The following GABRB3 variants were observed in gnomAD, a reference collection of about 807,000 sequenced individuals.
GABRB3 encodes gamma-aminobutyric acid receptor subunit beta-3.
A neutral mutation model predicts 52.1 loss-of-function variants in GABRB3; 14 were observed. That is an observed-to-expected ratio of 0.27 (90% CI 0.18 to 0.42). GABRB3 has a LOEUF of 0.42. GABRB3 is among the 10% of genes least tolerant of loss of function. The pLI, the probability that GABRB3 is intolerant of heterozygous loss-of-function variation, is 1.00. For synonymous variants in GABRB3, 260 were observed against 232.3 expected (o/e 1.12, Z -1.08); for missense variants, 307 against 609.1 (o/e 0.50, Z 5.22).
At chr15:26,570,612 G>C (rs1890359069) in intron 6 of GABRB3, among the ~76,000 whole-genome samples, 1 of 152,150 alleles carries the variant, frequency 6.6e-6, no homozygotes, top group Non-Finnish European at 1.5e-5. Context: ...TCTGCATTAA[G>C]TATAACATTT....
In GABRB3 at chr15:26,681,842, C is replaced by A. The variant is rs115886266; in HGVS notation, c.241-60308G>T. On this transcript the variant is annotated intron_variant, in intron 3 of 8. Transcript: ENST00000311550. ...GAAAAATTAGCCAGGCATGGTGGCACGTGCCTCTAGTCCCAGCTATCTGGG... is the reference window on the plus strand; with the variant it reads ...GAAAAATTAGCCAGGCATGGTGGCAAGTGCCTCTAGTCCCAGCTATCTGGG... Among the ~76,000 whole-genome samples, 905 of 152,140 alleles carry A rather than the reference C, an allele frequency of 5.9e-3. 16 individuals are homozygous for A. Among genetic ancestry groups the A allele is most frequent in the African/African-American group, 0.021 (883 of 41,506 alleles).
intron 3 of GABRB3, among the ~76,000 whole-genome samples, chr15:26,682,751 T>C (rs1669392738): frequency 6.6e-6 from 1 of 152,202 alleles, no homozygotes; most frequent in African/African-American, 2.4e-5. Flanking sequence ...GACAATGAGG[T>C]GGGAGGACTT....
chr15:26,738,087 C>T (rs572204658), intron 3 of GABRB3, among the ~76,000 whole-genome samples: 6 of 151,912 alleles, frequency 3.9e-5, no homozygotes, highest in African/African-American at 1.2e-4. Flanking sequence ...TGTTCTTCTT[C>T]GTGTTGTTGT....
intron 4 of GABRB3, among the ~76,000 whole-genome samples, chr15:26,587,549 T>C (rs1185164911): frequency 1.3e-5 from 2 of 151,832 alleles, no homozygotes; most frequent in Non-Finnish European, 2.9e-5. Flanking sequence ...GCTGGGAGAG[T>C]GGGCCTTTTG....
chr15:26,674,400 C>CAAAAAAAA (rs55723767), intron 3 of GABRB3, among the ~76,000 whole-genome samples: 5 of 86,780 alleles, frequency 5.8e-5, no homozygotes, highest in African/African-American at 9.5e-5. Context: ...GACTCAGTTT[C>CAAAAAAAA]AAAAAAAAAA....
intron 3 of GABRB3, among the ~76,000 whole-genome samples, chr15:26,731,629 C>T (rs1889917797): frequency 6.6e-6 from 1 of 152,096 alleles, no homozygotes; most frequent in African/African-American, 2.4e-5. Context: ...AATGGCCTTC[C>T]CTCCCTGCCA....
At chr15:26,591,681 A>G (rs1375601335) in intron 4 of GABRB3, among the ~76,000 whole-genome samples, 1 of 152,176 alleles carries the variant, frequency 6.6e-6, no homozygotes, top group Non-Finnish European at 1.5e-5. Context: ...AAGAGAGAAA[A>G]CAGCTTGAAA....
rs1345660942 is a variant in GABRB3, at chr15:26,547,121, A to G, written c.*672T>C. ...TCAAAAGACGGTCGTTCAGACATCA[A>G]CGTGGGATCTATCTATGTTTCAGAC... On this transcript the variant is annotated 3_prime_UTR_variant, in exon 9 of 9. Transcript: ENST00000311550. The G allele has an allele frequency of 6.1e-6, 1 of 164,534 alleles. No homozygotes were observed. Among genetic ancestry groups the G allele is most frequent in the African/African-American group, 2.4e-5 (1 of 41,998 alleles). The allele number at this position is 164,534 out of a possible 1,614,324, so 10.2% of individuals were successfully genotyped here.
intron 3 of GABRB3, among the ~76,000 whole-genome samples, chr15:26,708,039 A>T (rs1889161947): frequency 6.6e-6 from 1 of 152,168 alleles, no homozygotes; most frequent in African/African-American, 2.4e-5. Context: ...GCACAGAAAA[A>T]ATTTCAGATT....
intron 3 of GABRB3, among the ~76,000 whole-genome samples, chr15:26,653,755 G>A (rs749642237): frequency 2.0e-5 from 3 of 152,160 alleles, no homozygotes; most frequent in African/African-American, 7.2e-5. Context: ...CATAATTTTT[G>A]CAAAGGCAGT....
At chr15:26,747,048 A>G (rs1308085103) in intron 3 of GABRB3, among the ~76,000 whole-genome samples, 3 of 152,338 alleles carry the variant, frequency 2.0e-5, no homozygotes, top group South Asian at 4.1e-4. Flanking sequence ...GTGTGGGTCT[A>G]TTTCTGAATT....
intron 4 of GABRB3, among the ~76,000 whole-genome samples, chr15:26,596,801 G>A (rs936816954): frequency 3.9e-5 from 6 of 152,154 alleles, no homozygotes; most frequent in African/African-American, 1.2e-4. Context: ...TTCATTTTCT[G>A]TTGCTTGTAA....
chr15:26,624,329 A>G (rs1185741617), intron 3 of GABRB3: 1 of 985,322 alleles, frequency 1.0e-6, no homozygotes, highest in Non-Finnish European at 1.2e-6. Flanking sequence ...TCCATGTTAC[A>G]CTCGTATTGA....
intron 3 of GABRB3, chr15:26,642,530 T>C: frequency 7.8e-7 from 1 of 1,280,530 alleles, no homozygotes; most frequent in Non-Finnish European, 1.0e-6. Context: ...CTGCATAGCC[T>C]GCAAAGAAAT....
intron 3 of GABRB3, among the ~76,000 whole-genome samples, chr15:26,667,337 G>A (rs1292212326): frequency 6.6e-6 from 1 of 152,138 alleles, no homozygotes; most frequent in Non-Finnish European, 1.5e-5. Flanking sequence ...AGTAGGATCT[G>A]GGGGTGACAC....
chr15:26,735,860 CAGG>C (rs1424671736), intron 3 of GABRB3, among the ~76,000 whole-genome samples: 3 of 151,212 alleles, frequency 2.0e-5, no homozygotes, highest in Non-Finnish European at 2.9e-5. Context: ...GAGGCTGAAG[CAGG>C]AGGATCACTT....
intron 3 of GABRB3, among the ~76,000 whole-genome samples, chr15:26,653,972 C>T (rs535640920): frequency 3.0e-4 from 45 of 152,210 alleles, no homozygotes; most frequent in African/African-American, 1.1e-3. Flanking sequence ...TTTATTCAGA[C>T]TAATAAACTG....
intron 3 of GABRB3, among the ~76,000 whole-genome samples, chr15:26,745,092 A>ATT: frequency 6.6e-6 from 1 of 152,198 alleles, no homozygotes; most frequent in East Asian, 1.9e-4. Flanking sequence ...GAGGTGCCAC[A>ATT]CGCTTCATGT....
chr15:26,560,051 T>C (rs1034150142), intron 8 of GABRB3, among the ~76,000 whole-genome samples: 1 of 152,204 alleles, frequency 6.6e-6, no homozygotes, highest in East Asian at 1.9e-4. Flanking sequence ...TAAAGGAATA[T>C]TGAAACATTT....
Sources: allele counts gnomAD v4.1 joint callset (sites outside exome capture counted in the v4.1 genomes callset), GRCh38; gene constraint gnomAD v4.1.1; transcripts MANE v1.5; gene names NCBI Gene and HGNC (gene_info 2026-07-23, HGNC 2026-07-21).